Variants in ROBO2 observed in about 807,000 individuals in gnomAD.
ROBO2 encodes roundabout guidance receptor 2, also known as roundabout homolog 2.
A neutral mutation model predicts 160.8 loss-of-function variants in ROBO2; 53 were observed. That is an observed-to-expected ratio of 0.33 (90% confidence interval 0.26 to 0.41). ROBO2 has a LOEUF of 0.41. ROBO2 is among the 10% of genes least tolerant of loss of function. ROBO2 has a pLI of 1.00. For synonymous variants in ROBO2, 664 were observed against 611.7 expected, an observed-to-expected ratio of 1.09 and a Z score of -1.26; for missense variants, 1,577 against 1,722.4, an observed-to-expected ratio of 0.92 and a Z score of 1.49.
At chr3:76,143,349 C>A (rs1412120755) in intron 2 of ROBO2, among the ~76,000 whole-genome samples, 1 of 151,980 alleles carries the variant, frequency 6.6e-6, no homozygotes, top group Non-Finnish European at 1.5e-5. Flanking sequence ...CATTTAAATC[C>A]CTAGCCCCAT....
Position 77,008,436 on chromosome 3 carries a change from G to T in ROBO2, c.110-89578G>T, listed in dbSNP as rs76530357. On this transcript the variant is annotated intron_variant, in intron 2 of 26. Coordinates refer to the ROBO2 transcript ENST00000487694. ...ATATGACTGACTCATATTCCAAAGTGATAATAGATAAAAGTGGTAAAATGT... is the reference window on the plus strand; with the variant it reads ...ATATGACTGACTCATATTCCAAAGTTATAATAGATAAAAGTGGTAAAATGT... Among the ~76,000 whole-genome samples the T allele has an allele frequency of 0.021, 3,192 of 152,208 alleles. 192 individuals carry two copies. The East Asian group carries it at 0.23, about 11-fold the overall frequency.
At chr3:76,048,429 G>A (rs2067522552) in intron 2 of ROBO2, among the ~76,000 whole-genome samples, 1 of 152,136 alleles carries the variant, frequency 6.6e-6, no homozygotes, top group Non-Finnish European at 1.5e-5. Flanking sequence ...TTATGTTTTA[G>A]AGTAGGAAAC....
chr3:77,316,548 AC>A (rs1560516515), intron 2 of ROBO2, among the ~76,000 whole-genome samples: 1 of 152,138 alleles, frequency 6.6e-6, no homozygotes, highest in Non-Finnish European at 1.5e-5. Flanking sequence ...CCCCAAGTCT[AC>A]TACTGAAAGG....
chr3:75,908,926 A>G (rs1262675598), intron 1 of ROBO2, among the ~76,000 whole-genome samples: 1 of 152,198 alleles, frequency 6.6e-6, no homozygotes, highest in Non-Finnish European at 1.5e-5. Context: ...TTTTTAAACC[A>G]CTTAGTGTGA....
intron 2 of ROBO2, among the ~76,000 whole-genome samples, chr3:76,118,751 T>A (rs1236899182): frequency 6.6e-6 from 1 of 152,214 alleles, no homozygotes; most frequent in African/African-American, 2.4e-5. Context: ...GAATCTTTTC[T>A]AATCTTAGCA....
intron 16 of ROBO2, among the ~76,000 whole-genome samples, chr3:77,580,421 A>G (rs1444217216): frequency 6.6e-6 from 1 of 152,160 alleles, no homozygotes; most frequent in East Asian, 1.9e-4. Flanking sequence ...ATTGAAATAT[A>G]ATAAAAATGA....
At chr3:76,333,581 G>A (rs1299131628) in intron 2 of ROBO2, among the ~76,000 whole-genome samples, 1 of 152,170 alleles carries the variant, frequency 6.6e-6, no homozygotes, top group Non-Finnish European at 1.5e-5. Flanking sequence ...GCTATAAAGA[G>A]TTGTTTATAA....
intron 2 of ROBO2, among the ~76,000 whole-genome samples, chr3:77,300,664 TTAAA>T (rs1428295934): frequency 6.6e-6 from 1 of 152,062 alleles, no homozygotes; most frequent in Non-Finnish European, 1.5e-5. Context: ...TCCTTACTTT[TTAAA>T]TAAACTCTAT....
intron 2 of ROBO2, among the ~76,000 whole-genome samples, chr3:76,524,742 C>G (rs993795653): frequency 3.6e-5 from 5 of 137,694 alleles, no homozygotes; most frequent in African/African-American, 1.3e-4. Flanking sequence ...TGTTGTTTCC[C>G]TCACTTTTCA....
intron 2 of ROBO2, among the ~76,000 whole-genome samples, chr3:76,513,823 C>A (rs1022531857): frequency 9.9e-5 from 15 of 152,104 alleles, no homozygotes; most frequent in African/African-American, 3.6e-4. Context: ...CTTCGGCCAA[C>A]CTCAGGTAAA....
chr3:76,535,168 G>T (rs1427025774), intron 2 of ROBO2, among the ~76,000 whole-genome samples: 3 of 151,970 alleles, frequency 2.0e-5, no homozygotes, highest in Non-Finnish European at 4.4e-5. Flanking sequence ...GTTGTGGAAG[G>T]GGGTATTGAG....
At chr3:75,974,191 C>T (rs1234390678) in intron 2 of ROBO2, among the ~76,000 whole-genome samples, 3 of 151,156 alleles carry the variant, frequency 2.0e-5, no homozygotes, top group Admixed American at 2.0e-4. Flanking sequence ...AAATGTAGAG[C>T]GTGAAAGAAG....
intron 2 of ROBO2, among the ~76,000 whole-genome samples, chr3:76,280,958 C>A (rs1047833737): frequency 2.0e-5 from 3 of 151,912 alleles, no homozygotes; most frequent in African/African-American, 7.2e-5. Flanking sequence ...ACTGGAGCCA[C>A]CCTTCTGGAA....
chr3:77,457,735 A>C (rs186428899), intron 2 of ROBO2, among the ~76,000 whole-genome samples: 4 of 152,228 alleles, frequency 2.6e-5, no homozygotes, highest in Admixed American at 6.5e-5. Context: ...TATTTATCTA[A>C]GCTAATGAAT....
chr3:76,178,559 G>A (rs150415725), intron 2 of ROBO2, among the ~76,000 whole-genome samples: 1,679 of 152,174 alleles, frequency 0.011, 39 homozygotes, highest in African/African-American at 0.038. Context: ...ACCAGGAATC[G>A]TGGTCCATGA....
chr3:77,463,431 A>G (rs1354018348), intron 2 of ROBO2, among the ~76,000 whole-genome samples: 3 of 152,132 alleles, frequency 2.0e-5, no homozygotes, highest in Admixed American at 6.5e-5. Flanking sequence ...TGTTTTTAGA[A>G]TTATATTATA....
intron 2 of ROBO2, among the ~76,000 whole-genome samples, chr3:76,382,652 A>G (rs73840936): frequency 6.6e-6 from 1 of 152,210 alleles, no homozygotes; most frequent in African/African-American, 2.4e-5. Context: ...ATCTTCTATG[A>G]TTGTTCAATC....
intron 2 of ROBO2, among the ~76,000 whole-genome samples, chr3:76,859,839 C>T (rs2070547963): frequency 1.3e-5 from 2 of 152,172 alleles, no homozygotes; most frequent in Admixed American, 6.5e-5. Flanking sequence ...GTTCTTGATG[C>T]TGTCTTGCTG....
intron 2 of ROBO2, among the ~76,000 whole-genome samples, chr3:77,321,512 C>A (rs1489374381): frequency 6.6e-6 from 1 of 151,584 alleles, no homozygotes; most frequent in Non-Finnish European, 1.5e-5. Flanking sequence ...GAGAGAGAGA[C>A]CCTGTCTCAA....
Sources: gnomAD v4.1 joint callset for allele counts (sites outside exome capture counted in the v4.1 genomes callset) on GRCh38, gnomAD v4.1.1 for gene constraint, MANE v1.5 for transcripts, NCBI Gene and HGNC (gene_info 2026-07-23, HGNC 2026-07-21) for gene names.